MYPN: variants seen among roughly 807,000 people sequenced by gnomAD.
MYPN encodes sarcomeric protein myopalladin, 145 kDa (MYOP).
Under a neutral mutation model 129.4 loss-of-function variants are expected in MYPN, and 63 were observed. The ratio of observed to expected loss-of-function variants is 0.49; its 90% CI spans 0.40 to 0.60. MYPN has a LOEUF of 0.60. Among genes scored for constraint, MYPN ranks in the 20% least tolerant of loss-of-function variants. The pLI is 0.00. For missense variants in MYPN, 1,596 were observed against 1,635.4 expected (o/e 0.98, Z 0.42); for synonymous variants, 629 against 600.9 (o/e 1.05, Z -0.68).
rs750983588 is a variant in MYPN at position 68,121,992 on chromosome 10, T to A, written c.554T>A (p.Leu185Gln). ...GCCTGCAAAAACCACAAGAGTAAACTGGAATCTCAAAACAAAGTTATGCAG... is the reference window on the plus strand; with the variant it reads ...GCCTGCAAAAACCACAAGAGTAAACAGGAATCTCAAAACAAAGTTATGCAG... ...PRACKNHKSK[L>Q]ESQNKVMQEN... Residue 185 changes from leucine to glutamine, a missense_variant, in exon 2 of 20, where the codon CTG becomes CAG. Leu to Gln is a moderately radical substitution (Grantham distance 113, BLOSUM62 -2). Coordinates refer to ENST00000358913, the MANE Select transcript of MYPN (RefSeq NM_032578.4). 2 of 1,614,016 alleles carry A rather than the reference T, an allele frequency of 1.2e-6. No homozygotes were observed. The highest frequency in any genetic ancestry group is 1.7e-6 in the Non-Finnish European group (2 of 1,180,034).
chr10:68,134,718 C>G (rs2042459812), intron 2 of MYPN, among the ~76,000 whole-genome samples: 1 of 152,078 alleles, frequency 6.6e-6, no homozygotes, highest in African/African-American at 2.4e-5. Flanking sequence ...TCACTTGCAC[C>G]TGGGAGGTGG....
intron 10 of MYPN, among the ~76,000 whole-genome samples, chr10:68,170,345 C>T (rs1241363422): frequency 6.6e-6 from 1 of 152,148 alleles, no homozygotes; most frequent in Non-Finnish European, 1.5e-5. Flanking sequence ...CTATATAATT[C>T]TTTAATATTC....
Position 68,188,829 on chromosome 10 carries a change from T to C in MYPN, c.2704-76T>C, listed in dbSNP as rs980216892. On this transcript the variant is annotated intron_variant, in intron 12 of 19. Transcript: ENST00000358913. ...AATCTAACGTCTGAATCTTAAAAAGTGGCTTCCTCAATTGTACTGATGGAC... is the reference window on the plus strand; with the variant it reads ...AATCTAACGTCTGAATCTTAAAAAGCGGCTTCCTCAATTGTACTGATGGAC... The C allele has an allele frequency of 1.2e-5, 14 of 1,196,538 alleles. No individual in the cohort carries two copies. In the African/African-American group the frequency reaches 2.0e-4, roughly 17 times the overall value. 74.1% of individuals were successfully genotyped at this position (1,196,538 alleles called of 1,614,324 possible).
At chr10:68,173,519 T>C (rs1056398779) in intron 10 of MYPN, among the ~76,000 whole-genome samples, 10 of 152,192 alleles carry the variant, frequency 6.6e-5, no homozygotes, top group African/African-American at 2.4e-4. Context: ...CACCAATTAT[T>C]GATCAGCTGA....
intron 6 of MYPN, among the ~76,000 whole-genome samples, chr10:68,154,418 T>C (rs2042832546): frequency 6.6e-6 from 1 of 152,204 alleles, no homozygotes; most frequent in East Asian, 1.9e-4. Flanking sequence ...CACTTCATTA[T>C]ATAACAGCAA....
In MYPN at chr10:68,165,778, A is replaced by G. The variant is rs199809622; in HGVS notation, c.1560A>G (p.Lys520=). ...GCTTCACATGTACTGCAAGCAACAA[A>G]TACGGCACAGTGTCAAGCATTGCAC... ...SGCFTCTASN[K]YGTVSSIAQL... Residue 520 remains lysine, a synonymous_variant, in exon 9 of 20, where the codon AAA becomes AAG. Coordinates refer to ENST00000358913, the MANE Select transcript of MYPN (RefSeq NM_032578.4). 6.3e-5 allele frequency: 102 copies of G among 1,614,222 alleles called. No homozygotes were observed. Among genetic ancestry groups the G allele is most frequent in the Non-Finnish European group, 8.0e-5 (94 of 1,180,030 alleles).
chr10:68,103,548 T>C (rs559495784), upstream of MYPN, among the ~76,000 whole-genome samples: 1 of 152,236 alleles, frequency 6.6e-6, no homozygotes, highest in African/African-American at 2.4e-5. Context: ...AAAATCATGA[T>C]GAATTTCCTC....
At chr10:68,186,922 T>C (rs576043499) in intron 12 of MYPN, among the ~76,000 whole-genome samples, 54 of 152,056 alleles carry the variant, frequency 3.6e-4, no homozygotes, top group African/African-American at 1.3e-3. Flanking sequence ...ACATTTAAGT[T>C]TGATGGGCAG....
At chr10:68,174,709 C>A in intron 11 of MYPN, 53 bp downstream of exon 11, 1 of 1,532,098 alleles carries the variant, frequency 6.5e-7, no homozygotes, top group Non-Finnish European at 9.0e-7. Flanking sequence ...AGTCGATGTG[C>A]ACATTGAATA....
At chr10:68,189,152 C>A in intron 13 of MYPN, 26 bp downstream of exon 13, 1 of 1,541,148 alleles carries the variant, frequency 6.5e-7, no homozygotes, top group Non-Finnish European at 9.0e-7. Context: ...AGCCAGTTGG[C>A]CACCTCACAG....
chr10:68,162,271 C>G (rs2042990568), intron 8 of MYPN: 1 of 151,284 alleles, frequency 6.6e-6, no homozygotes, highest in South Asian at 2.1e-4. Context: ...TAATACCTCA[C>G]ATGAATGCAG....
upstream of MYPN, among the ~76,000 whole-genome samples, chr10:68,105,541 C>T (rs879728056): frequency 1.3e-5 from 2 of 152,096 alleles, no homozygotes; most frequent in Admixed American, 1.3e-4. Context: ...TTAAAAAGTT[C>T]TGAATAGATT....
intron 7 of MYPN, 86 bp from the exon 8 acceptor site, chr10:68,161,643 T>A: frequency 9.6e-7 from 1 of 1,039,512 alleles, no homozygotes; most frequent in East Asian, 2.4e-5. Context: ...TGCAAGAGAC[T>A]GTGAAATTCT....
At chr10:68,200,493 C>T (rs1165564979) in intron 17 of MYPN, among the ~76,000 whole-genome samples, 1 of 151,844 alleles carries the variant, frequency 6.6e-6, no homozygotes, top group Non-Finnish European at 1.5e-5. Flanking sequence ...CACGGTGGCT[C>T]ACACCTGTAA....
At chr10:68,194,693 C>T (rs934692792) in intron 14 of MYPN, among the ~76,000 whole-genome samples, 181 bp downstream of exon 14, 3 of 152,200 alleles carry the variant, frequency 2.0e-5, no homozygotes, top group Admixed American at 6.5e-5. Flanking sequence ...TAGCCACTGA[C>T]AGGTCACTCA....
At chr10:68,177,936 T>C (rs74558715) in intron 12 of MYPN, among the ~76,000 whole-genome samples, 1,980 of 152,344 alleles carry the variant, frequency 0.013, 49 homozygotes, top group African/African-American at 0.046. Flanking sequence ...ATTTGCATGA[T>C]CTAGCATTAA....
intron 3 of MYPN, among the ~76,000 whole-genome samples, chr10:68,144,445 T>A (rs2134072272): frequency 6.6e-6 from 1 of 152,332 alleles, no homozygotes; most frequent in Middle Eastern, 3.4e-3. Context: ...AAGTACATAG[T>A]GAGTATTTGA....
At chr10:68,097,911 A>G (rs1325820202) in intron 1 of MYPN, among the ~76,000 whole-genome samples, 1 of 152,190 alleles carries the variant, frequency 6.6e-6, no homozygotes, top group Non-Finnish European at 1.5e-5. Flanking sequence ...TCTTAAATTT[A>G]GTTCATGTGC....
chr10:68,147,265 C>T (rs2042682789), intron 4 of MYPN, among the ~76,000 whole-genome samples: 2 of 152,238 alleles, frequency 1.3e-5, no homozygotes, highest in South Asian at 4.2e-4. Context: ...AACGATTCTC[C>T]CACCTCAGCC....
Sources: allele counts gnomAD v4.1 joint callset (sites outside exome capture counted in the v4.1 genomes callset), GRCh38; gene constraint gnomAD v4.1.1; transcripts MANE v1.5; gene names NCBI Gene and HGNC (gene_info 2026-07-23, HGNC 2026-07-21).